Variants in HS3ST5 observed in about 807,000 individuals in gnomAD.
The protein encoded by HS3ST5 is heparan sulfate-glucosamine 3-sulfotransferase 5.
Under a neutral mutation model 25.4 loss-of-function variants are expected in HS3ST5, and 10 were observed. The observed-to-expected ratio is 0.39, with a 90% CI of 0.24 to 0.67. The LOEUF (loss-of-function observed/expected upper bound fraction) is 0.67. Among genes scored for constraint, HS3ST5 ranks in the 30% least tolerant of loss-of-function variants. HS3ST5 has a pLI of 0.44. For synonymous variants in HS3ST5, 170 were observed against 162.4 expected, an observed-to-expected ratio of 1.05 and a Z score of -0.36; for missense variants, 324 against 420.7, an observed-to-expected ratio of 0.77 and a Z score of 2.01.
intron 1 of HS3ST5, among the ~76,000 whole-genome samples, chr6:114,301,005 G>A (rs1294617405): frequency 6.6e-6 from 1 of 152,154 alleles, no homozygotes; most frequent in Non-Finnish European, 1.5e-5. Flanking sequence ...ACGTTGGAGT[G>A]GGGGAGTCTG....
intron 2 of HS3ST5, among the ~76,000 whole-genome samples, chr6:114,219,156 T>C (rs1206877507): frequency 2.0e-5 from 3 of 152,248 alleles, no homozygotes; most frequent in Admixed American, 1.3e-4. Context: ...TATTGCTACC[T>C]CATAAGTATT....
intron 1 of HS3ST5, among the ~76,000 whole-genome samples, chr6:114,326,775 C>T (rs1776192116): frequency 1.3e-5 from 2 of 151,930 alleles, no homozygotes. Flanking sequence ...TATTATGAGA[C>T]TCAGTAAGGC....
chr6:114,244,805 G>T (rs1364367461), intron 1 of HS3ST5, among the ~76,000 whole-genome samples: 2 of 152,124 alleles, frequency 1.3e-5, no homozygotes, highest in African/African-American at 4.8e-5. Context: ...GGGAAACTCG[G>T]CCAATAAAGA....
intron 3 of HS3ST5, among the ~76,000 whole-genome samples, chr6:114,136,722 C>T (rs1280974309): frequency 6.6e-6 from 1 of 152,118 alleles, no homozygotes; most frequent in Admixed American, 6.5e-5. Context: ...GGAACTTATG[C>T]CAATTCAAAA....
chr6:114,074,148 G>T (rs924301179), intron 3 of HS3ST5, among the ~76,000 whole-genome samples: 2 of 152,028 alleles, frequency 1.3e-5, no homozygotes, highest in Admixed American at 6.6e-5. Context: ...CTGTTTGGGG[G>T]TAGGAGGCTG....
At chr6:114,068,341 C>G (rs1279233253) in intron 3 of HS3ST5, among the ~76,000 whole-genome samples, 3 of 152,204 alleles carry the variant, frequency 2.0e-5, no homozygotes, top group African/African-American at 7.2e-5. Context: ...AAATCTCATT[C>G]TGTTTTGTAA....
chr6:114,319,533 T>C (rs184164180), intron 1 of HS3ST5, among the ~76,000 whole-genome samples: 1 of 152,268 alleles, frequency 6.6e-6, no homozygotes, highest in East Asian at 1.9e-4. Context: ...ACTTTTTTTC[T>C]CTTTTTTGGT....
At chr6:114,194,264 GAAT>G (rs879323271) in intron 2 of HS3ST5, among the ~76,000 whole-genome samples, 8 of 152,138 alleles carry the variant, frequency 5.3e-5, no homozygotes, top group Non-Finnish European at 1.0e-4. Context: ...CCCTTTAGCT[GAAT>G]AATATTAAAT....
In HS3ST5 at chr6:114,089,779, G is replaced by C. The variant is rs377557793; in HGVS notation, c.-32-26902C>G. Among the ~76,000 whole-genome samples the C allele has an allele frequency of 5.3e-5, 8 of 152,314 alleles. No individual in the cohort carries two copies. In the East Asian group the frequency reaches 9.6e-4, roughly 18 times the overall value. On this transcript the variant is annotated intron_variant, in intron 3 of 4. Transcript: ENST00000312719. ...GCAAGGGGTATAATTTGTGGCCACT[G>C]AACGGAGAAGCCGTTGGGCAATCTC...
chr6:114,086,649 A>G (rs1248168294), intron 3 of HS3ST5, among the ~76,000 whole-genome samples: 2 of 152,200 alleles, frequency 1.3e-5, no homozygotes, highest in Non-Finnish European at 2.9e-5. Context: ...TTAAGTTTCC[A>G]TGGTGGTGGG....
intron 3 of HS3ST5, among the ~76,000 whole-genome samples, chr6:114,136,304 A>G (rs1324581614): frequency 1.3e-4 from 20 of 152,158 alleles, no homozygotes; most frequent in Non-Finnish European, 2.9e-4. Flanking sequence ...GTGATAGTGA[A>G]TAAGTCTCAT....
At chr6:114,155,047 G>A (rs1162868630) in intron 3 of HS3ST5, among the ~76,000 whole-genome samples, 2 of 152,156 alleles carry the variant, frequency 1.3e-5, no homozygotes, top group African/African-American at 4.8e-5. Context: ...CACTGCCATT[G>A]ACCCAGCACG....
At chr6:114,319,164 T>C (rs1052788983) in intron 1 of HS3ST5, among the ~76,000 whole-genome samples, 2 of 152,208 alleles carry the variant, frequency 1.3e-5, no homozygotes, top group African/African-American at 4.8e-5. Flanking sequence ...GATGATGTTA[T>C]ATATTCCAAT....
chr6:114,336,674 C>T (rs1474692269), intron 1 of HS3ST5, among the ~76,000 whole-genome samples: 1 of 152,008 alleles, frequency 6.6e-6, no homozygotes, highest in African/African-American at 2.4e-5. Context: ...GTAACTTGCC[C>T]AAGACACCAT....
intron 3 of HS3ST5, among the ~76,000 whole-genome samples, chr6:114,074,225 A>T (rs1328347953): frequency 6.6e-6 from 1 of 151,840 alleles, no homozygotes; most frequent in African/African-American, 2.4e-5. Context: ...GCAAACCAAC[A>T]TGGCACATGT....
intron 1 of HS3ST5, among the ~76,000 whole-genome samples, chr6:114,285,462 G>C (rs1357346990): frequency 6.6e-6 from 1 of 151,960 alleles, no homozygotes; most frequent in African/African-American, 2.4e-5. Flanking sequence ...AATAAATGTG[G>C]TGTATACGTC....
At chr6:114,245,746 C>A (rs1437145663) in intron 1 of HS3ST5, among the ~76,000 whole-genome samples, 7 of 152,168 alleles carry the variant, frequency 4.6e-5, no homozygotes, top group Non-Finnish European at 1.0e-4. Flanking sequence ...AAACCTCATA[C>A]AAACAGCAGA....
chr6:114,066,684 TA>T (rs1426096772), intron 3 of HS3ST5, among the ~76,000 whole-genome samples: 2 of 152,132 alleles, frequency 1.3e-5, no homozygotes, highest in Admixed American at 6.5e-5. Context: ...AATAAAGTTA[TA>T]AAGCTTATCG....
At chr6:114,196,765 T>C (rs985598715) in intron 2 of HS3ST5, among the ~76,000 whole-genome samples, 3 of 152,172 alleles carry the variant, frequency 2.0e-5, no homozygotes, top group African/African-American at 4.8e-5. Flanking sequence ...TATATGATTA[T>C]TTTTTGAAGT....
Sources: allele counts gnomAD v4.1 joint callset (sites outside exome capture counted in the v4.1 genomes callset), GRCh38; gene constraint gnomAD v4.1.1; transcripts MANE v1.5; gene names NCBI Gene and HGNC (gene_info 2026-07-23, HGNC 2026-07-21).